Variants in GHR observed in about 807,000 individuals in gnomAD.
GHR encodes GH receptor.
In GHR, 35 loss-of-function variants were observed where a neutral mutation model predicts 67.1. The ratio of observed to expected loss-of-function variants is 0.52; its 90% confidence interval spans 0.40 to 0.69. GHR has a LOEUF of 0.69. Among genes scored for constraint, GHR ranks in the 30% least tolerant of loss-of-function variants. The pLI is 0.00. For missense variants in GHR, 792 were observed against 764.6 expected (o/e 1.04, Z -0.42); for synonymous variants, 272 against 269.1 (o/e 1.01, Z -0.10).
intron 1 of GHR, among the ~76,000 whole-genome samples, chr5:42,426,185 C>T (rs1214524939): frequency 2.0e-5 from 3 of 152,162 alleles, no homozygotes; most frequent in Admixed American, 6.5e-5. Context: ...TAGCTCAGGA[C>T]ATAATGTTTA....
At chr5:42,595,752 A>G (rs1237210387) in intron 2 of GHR, among the ~76,000 whole-genome samples, 1 of 152,162 alleles carries the variant, frequency 6.6e-6, no homozygotes, top group Admixed American at 6.5e-5. Context: ...GGAGATTAGG[A>G]AGGAAAGGAA....
chr5:42,573,378 A>C (rs1461612343), intron 2 of GHR, among the ~76,000 whole-genome samples: 1 of 152,034 alleles, frequency 6.6e-6, no homozygotes, highest in African/African-American at 2.4e-5. Context: ...TCCACATACC[A>C]CCAAGATCAG....
intron 1 of GHR, among the ~76,000 whole-genome samples, chr5:42,448,350 G>A (rs1013460900): frequency 6.6e-6 from 1 of 152,010 alleles, no homozygotes; most frequent in African/African-American, 2.4e-5. Flanking sequence ...AATTAGTGAT[G>A]TCAAGCATTT....
chr5:42,548,123 G>A lies in GHR; in HGVS notation c.-11-17741G>A. On this transcript the variant is annotated intron_variant, in intron 1 of 9. Transcript: ENST00000230882. ...CCTAGGCCTGGCCTTCAGTTCAGCA[G>A]GCAGAGCCCAGAGATGTACTGGGCA... 3.0e-6 allele frequency: 3 copies of A among 985,398 alleles called. No individual in the cohort carries two copies. The African/African-American group carries it at 5.2e-5, about 17-fold the overall frequency. 61.0% of individuals were successfully genotyped at this position (985,398 alleles called of 1,614,324 possible).
At chr5:42,716,712 G>T (rs188178712) in intron 8 of GHR, among the ~76,000 whole-genome samples, 124 of 152,272 alleles carry the variant, frequency 8.1e-4, no homozygotes, top group African/African-American at 3.0e-3. Flanking sequence ...GTAACAATAT[G>T]CTTTAACATT....
chr5:42,496,127 T>C (rs1307953215), intron 1 of GHR, among the ~76,000 whole-genome samples: 1 of 152,174 alleles, frequency 6.6e-6, no homozygotes. Flanking sequence ...TCTTCTCCTG[T>C]CAAGACCAGT....
intron 2 of GHR, among the ~76,000 whole-genome samples, chr5:42,591,144 G>T (rs780490339): frequency 3.3e-5 from 5 of 152,228 alleles, no homozygotes; most frequent in Non-Finnish European, 7.3e-5. Flanking sequence ...AGGGAACCCT[G>T]CAAGTTTAAG....
At position 42,424,455 on chromosome 5, in the gene GHR, G is replaced by C. The variant is rs944944071; in HGVS notation, c.-12+500G>C. 1.8e-5 allele frequency: 13 copies of C among 706,586 alleles called. No individual in the cohort carries two copies. The highest frequency in any genetic ancestry group is 3.2e-5 in the Non-Finnish European group (13 of 408,230). 43.8% of individuals were successfully genotyped at this position (706,586 alleles called of 1,614,324 possible). ...AAGAATCCCCGGCAGCGCGACTGGA[G>C]AGACTGGGGAGGTCGAGCTGTGCGC... On this transcript the variant is annotated intron_variant, in intron 1 of 9. Coordinates refer to ENST00000230882, the MANE Select transcript of GHR (RefSeq NM_000163.5). The surrounding 1 kb of genome is among the most constrained non-coding windows in gnomAD (Gnocchi z 4.1).
chr5:42,491,809 G>A (rs190156343), intron 1 of GHR, among the ~76,000 whole-genome samples: 1 of 152,274 alleles, frequency 6.6e-6, no homozygotes, highest in Admixed American at 6.5e-5. Flanking sequence ...TTTGTGGGTG[G>A]GCCTTCACTA....
chr5:42,621,054 G>A (rs182832439), intron 2 of GHR, among the ~76,000 whole-genome samples: 82 of 152,150 alleles, frequency 5.4e-4, no homozygotes, highest in African/African-American at 1.8e-3. Flanking sequence ...ATTAATCTGC[G>A]CTCCTGTTAT....
intron 2 of GHR, among the ~76,000 whole-genome samples, chr5:42,567,052 G>T (rs1351041955): frequency 6.6e-6 from 1 of 151,864 alleles, no homozygotes; most frequent in African/African-American, 2.4e-5. Flanking sequence ...TCAACATTAT[G>T]CAAGTCAAAC....
chr5:42,442,608 T>C (rs567244663), intron 1 of GHR, among the ~76,000 whole-genome samples: 1 of 152,252 alleles, frequency 6.6e-6, no homozygotes, highest in South Asian at 2.1e-4. Context: ...AAGACAGAAG[T>C]ATAGCAGTCA....
At chr5:42,644,127 G>T (rs1245046578) in intron 3 of GHR, among the ~76,000 whole-genome samples, 1 of 152,132 alleles carries the variant, frequency 6.6e-6, no homozygotes, top group East Asian at 1.9e-4. Flanking sequence ...AAATATTTAG[G>T]TATGCTGTCT....
chr5:42,531,040 G>C lies in GHR; in HGVS notation c.-11-34824G>C, dbSNP rs10059786. On this transcript the variant is annotated intron_variant, in intron 1 of 9. Transcript: ENST00000230882. Reference sequence around the variant, plus strand: ...TCCCAGCACTTTGGAGGCCAAGGTGGGTGGATCACCTGAGGTCAAGAGTTC... The same window carrying C: ...TCCCAGCACTTTGGAGGCCAAGGTGCGTGGATCACCTGAGGTCAAGAGTTC... Among the ~76,000 whole-genome samples the C allele has an allele frequency of 1.7e-3, 264 of 152,276 alleles. 1 individual carries two copies. Among genetic ancestry groups the C allele is most frequent in the African/African-American group, 6.0e-3 (248 of 41,570 alleles).
chr5:42,544,316 A>G (rs1461841126), intron 1 of GHR, among the ~76,000 whole-genome samples: 1 of 152,232 alleles, frequency 6.6e-6, no homozygotes, highest in East Asian at 1.9e-4. Flanking sequence ...AATAAATGTA[A>G]AACAATGGCA....
At chr5:42,618,409 C>G (rs1753276117) in intron 2 of GHR, among the ~76,000 whole-genome samples, 1 of 152,058 alleles carries the variant, frequency 6.6e-6, no homozygotes, top group Non-Finnish European at 1.5e-5. Flanking sequence ...TCTGCTAAGA[C>G]TGCTAATTAA....
chr5:42,700,393 AG>A (rs891451685), intron 6 of GHR, among the ~76,000 whole-genome samples: 5 of 152,204 alleles, frequency 3.3e-5, no homozygotes, highest in Admixed American at 2.6e-4. Context: ...TGCTACTCAA[AG>A]GACTCCCACT....
chr5:42,616,290 G>T (rs1348170982), intron 2 of GHR, among the ~76,000 whole-genome samples: 2 of 152,018 alleles, frequency 1.3e-5, no homozygotes, highest in African/African-American at 4.8e-5. Flanking sequence ...GGATGCATGG[G>T]CTATAATAAT....
intron 1 of GHR, among the ~76,000 whole-genome samples, chr5:42,456,083 C>T (rs562333875): frequency 9.2e-5 from 14 of 152,174 alleles, no homozygotes; most frequent in East Asian, 1.9e-4. Flanking sequence ...GAGGCAGATA[C>T]GGGCAGATCA....
Sources: allele counts gnomAD v4.1 joint callset (sites outside exome capture counted in the v4.1 genomes callset), GRCh38; gene constraint gnomAD v4.1.1; non-coding constraint Gnocchi (gnomAD v3.1); transcripts MANE v1.5; gene names NCBI Gene and HGNC (gene_info 2026-07-23, HGNC 2026-07-21).